The following CAMK2B variants were observed in gnomAD, a reference collection of about 807,000 sequenced individuals.
CAMK2B encodes the protein calcium/calmodulin-dependent protein kinase type II subunit beta.
CAMK2B carries 27 observed loss-of-function variants against 93.7 expected under a neutral mutation model. The ratio of observed to expected loss-of-function variants is 0.29; its 90% CI spans 0.21 to 0.40. CAMK2B has a LOEUF of 0.40. Ranked by LOEUF, CAMK2B falls within the 10% of genes least tolerant of loss-of-function variation. The pLI is 1.00. For synonymous variants in CAMK2B, 374 were observed against 358.8 expected, an observed-to-expected ratio of 1.04 and a Z score of -0.48; for missense variants, 568 against 895.8, an observed-to-expected ratio of 0.63 and a Z score of 4.67.
In CAMK2B at chr7:44,228,822, G is replaced by A. The variant is rs2096547743; in HGVS notation, c.1442C>T (p.Ala481Val). The A allele has an allele frequency of 1.3e-6, 2 of 1,536,838 alleles. No individual in the cohort carries two copies. The highest frequency in any genetic ancestry group is 2.8e-5 in the African/African-American group (2 of 72,126). ...SAGPPPCLSPALLGPLSSPSP... is the reference protein window; with the variant it reads ...SAGPPPCLSPVLLGPLSSPSP... Reference sequence around the variant, plus strand: ...CGGGGAGGACAGGGGGCCTAGGAGAGCCGGAGACAGGCAGGGCGGGGGCCC... The same window carrying A: ...CGGGGAGGACAGGGGGCCTAGGAGAACCGGAGACAGGCAGGGCGGGGGCCC... The change falls in exon 19 of 24, where the codon GCT becomes GTT. Residue 481 changes from alanine (A) to valine (V), a missense_variant. This residue lies in a region of CAMK2B where 308 missense variants were observed against 292.1 expected (regional missense o/e 1.05). Transcript: ENST00000395749.
chr7:44,285,767 T>A lies in CAMK2B; in HGVS notation c.66-1542A>T, dbSNP rs1784865935. 2.1e-5 allele frequency among the ~76,000 whole-genome samples: 3 copies of A among 145,034 alleles called. No individual in the cohort carries two copies. The South Asian group carries it at 6.9e-4, about 33-fold the overall frequency. On this transcript the variant is annotated intron_variant, in intron 1 of 23. Transcript: ENST00000395749. The stretch of plus-strand genomic sequence containing the variant: ...TCAACCAGTGAACAGGGACAGGGGC[T>A]GCCTCAGGAGATGTGGGGGGAGACC...
chr7:44,303,160 C>T (rs1023801629), intron 1 of CAMK2B, among the ~76,000 whole-genome samples: 1 of 152,078 alleles, frequency 6.6e-6, no homozygotes, highest in Non-Finnish European at 1.5e-5. Context: ...TACATTTCAT[C>T]CCCCAAAGTG....
At chr7:44,301,660 TC>T (rs1487076443) in intron 1 of CAMK2B, among the ~76,000 whole-genome samples, 1 of 151,670 alleles carries the variant, frequency 6.6e-6, no homozygotes, top group Non-Finnish European at 1.5e-5. Context: ...GCCTGTAATC[TC>T]AGCTACTTGG....
At chr7:44,244,768 C>G in intron 6 of CAMK2B, 1 of 334,318 alleles carries the variant, frequency 3.0e-6, no homozygotes, top group South Asian at 2.2e-5. Flanking sequence ...GAGCGCCCCT[C>G]AGCAGAAACC....
At position 44,242,210 on chromosome 7, in the gene CAMK2B, C is replaced by T. The variant is rs749280196; in HGVS notation, c.819+8G>A. Reference sequence around the variant, plus strand: ...CCCTCCCCACCATGGGCACCAAGGGCGACTCACGCAGACCCACGGGTGCTT... The same window carrying T: ...CCCTCCCCACCATGGGCACCAAGGGTGACTCACGCAGACCCACGGGTGCTT... On this transcript the variant is annotated splice_region_variant and intron_variant, in intron 10 of 23. Transcript: ENST00000395749. 29 of 1,609,562 alleles carry T rather than the reference C, an allele frequency of 1.8e-5. No homozygotes were observed. Among genetic ancestry groups the T allele is most frequent in the South Asian group, 1.7e-4 (15 of 90,590 alleles).
intron 11 of CAMK2B, among the ~76,000 whole-genome samples, chr7:44,241,426 C>T (rs1251538107): frequency 6.6e-6 from 1 of 152,224 alleles, no homozygotes; most frequent in Admixed American, 6.5e-5. Context: ...GGGTGAGGAG[C>T]CCACAGCGAG....
intron 18 of CAMK2B, 121 bp from the exon 19 acceptor site, chr7:44,229,045 C>T: frequency 1.0e-6 from 1 of 953,932 alleles, no homozygotes; most frequent in Non-Finnish European, 1.7e-6. Flanking sequence ...GGGATCAGGC[C>T]CTGAATCAGA....
At chr7:44,281,178 G>C (rs748467128) in intron 2 of CAMK2B, among the ~76,000 whole-genome samples, 8 of 152,380 alleles carry the variant, frequency 5.3e-5, no homozygotes, top group Non-Finnish European at 8.8e-5. Context: ...CAGGGTGGCC[G>C]TGGGACCTGA....
chr7:44,225,904 C>G lies in CAMK2B; in HGVS notation c.1597+612G>C. ...ATGTCATCCATCCCTGTAAGTGATA[C>G]TGCGGGTAGTCGGCAGACAGACCGG... On this transcript the variant is annotated intron_variant, in intron 20 of 23. Transcript: ENST00000395749. This position sits in a 1 kb window ranked among gnomAD's most constrained non-coding sequence, Gnocchi z 5.0. 1 of 1,286,498 alleles carries G rather than the reference C, an allele frequency of 7.8e-7. No individual in the cohort carries two copies. The highest frequency in any genetic ancestry group is 1.0e-6 in the Non-Finnish European group (1 of 986,612). 79.7% of individuals were successfully genotyped at this position (1,286,498 alleles called of 1,614,324 possible). A position where few individuals can be genotyped will look rare whatever the true frequency, so the allele number is the denominator to read the frequency against.
chr7:44,307,613 A>G (rs1298196499), intron 1 of CAMK2B, among the ~76,000 whole-genome samples: 1 of 151,944 alleles, frequency 6.6e-6, no homozygotes, highest in East Asian at 1.9e-4. Context: ...TCAGGGGCCA[A>G]CCTACTCCCT....
chr7:44,295,826 C>A (rs1788149608), intron 1 of CAMK2B, among the ~76,000 whole-genome samples: 1 of 152,176 alleles, frequency 6.6e-6, no homozygotes, highest in African/African-American at 2.4e-5. Flanking sequence ...GGAAAATACC[C>A]AACTCCAGCC....
chr7:44,243,854 CA>C (rs1341668080), intron 6 of CAMK2B, among the ~76,000 whole-genome samples: 1 of 152,196 alleles, frequency 6.6e-6, no homozygotes, highest in East Asian at 1.9e-4. Context: ...ACCAAAACCT[CA>C]AGCTCATCCT....
chr7:44,256,877 T>G (rs948694612), intron 4 of CAMK2B, among the ~76,000 whole-genome samples: 1 of 152,114 alleles, frequency 6.6e-6, no homozygotes, highest in Non-Finnish European at 1.5e-5. Context: ...GGAAGGGAGT[T>G]TGCTCCTCCA....
At position 44,325,553 on chromosome 7, in the gene CAMK2B, G is replaced by A; in HGVS notation, c.-132C>T. 2 of 334,596 alleles carry A rather than the reference G, an allele frequency of 6.0e-6. No homozygotes were observed. The highest frequency in any genetic ancestry group is 8.4e-6 in the Non-Finnish European group (2 of 237,438). 20.7% of individuals were successfully genotyped at this position (334,596 alleles called of 1,614,324 possible). A position where few individuals can be genotyped will look rare whatever the true frequency, so the allele number is the denominator to read the frequency against. On this transcript the variant is annotated 5_prime_UTR_variant, in exon 1 of 24. Coordinates refer to ENST00000395749, the MANE Select transcript of CAMK2B (RefSeq NM_001220.5). The stretch of plus-strand genomic sequence containing the variant: ...CCTCGGCTCGCGGCGCCAGGCGGGG[G>A]CCGGGCTGGGCTGCGCCGGGCGGCG...
Position 44,224,075 on chromosome 7 carries a change from G to A in CAMK2B, c.1597+2441C>T, listed in dbSNP as rs1368183473. ...TTTTAAACAAATTGTAATTAAAATG[G>A]GAGTTGATGGGAAGAGAAAGCGTGA... On this transcript the variant is annotated intron_variant, in intron 20 of 23. Transcript: ENST00000395749. This position sits in a 1 kb window ranked among gnomAD's most constrained non-coding sequence, Gnocchi z 4.4. Among the ~76,000 whole-genome samples, 8 of 152,236 alleles carry A rather than the reference G, an allele frequency of 5.3e-5. No individual in the cohort carries two copies. The highest frequency in any genetic ancestry group is 3.9e-4 in the Admixed American group (6 of 15,286).
At chr7:44,323,880 G>C (rs1366688119) in intron 1 of CAMK2B, 1 of 161,966 alleles carries the variant, frequency 6.2e-6, no homozygotes, top group Non-Finnish European at 1.4e-5. Flanking sequence ...GTGCATCTGA[G>C]GGGTGAAGAC....
rs964616533 is a variant in CAMK2B, at chr7:44,240,340, G to A, written c.946+367C>T. Among the ~76,000 whole-genome samples the A allele has an allele frequency of 3.3e-5, 5 of 152,116 alleles. No homozygotes were observed. In the East Asian group the frequency reaches 7.7e-4, roughly 24 times the overall value. On this transcript the variant is annotated intron_variant, in intron 12 of 23. Transcript: ENST00000395749. ...CCCGCATCCCTTCTGCCCACCTCCC[G>A]CACAAAACACAATGTTCAGAGCACT...
Position 44,242,270 on chromosome 7 carries a change from T to C in CAMK2B, c.767A>G (p.Asn256Ser). Reference sequence around the variant, plus strand: ...ATGGGCTGTGATGCGCTTGGCAGGGTTGATGGTCAGCATCTGGTTGATGAG... The same window carrying C: ...ATGGGCTGTGATGCGCTTGGCAGGGCTGATGGTCAGCATCTGGTTGATGAG... ...KNLINQMLTI[N>S]PAKRITAHEA... The change falls in exon 10 of 24, where the codon AAC becomes AGC. Residue 256 changes from asparagine (N) to serine (S), a missense_variant. Asn to Ser is a conservative substitution (Grantham distance 46). Coordinates refer to ENST00000395749, the MANE Select transcript of CAMK2B (RefSeq NM_001220.5). 2 of 1,613,990 alleles carry C rather than the reference T, an allele frequency of 1.2e-6. No homozygotes were observed. Among genetic ancestry groups the C allele is most frequent in the Non-Finnish European group, 1.7e-6 (2 of 1,179,930 alleles).
chr7:44,235,640 C>T (rs1272039613), intron 13 of CAMK2B, among the ~76,000 whole-genome samples: 1 of 152,186 alleles, frequency 6.6e-6, no homozygotes, highest in Non-Finnish European at 1.5e-5. Context: ...ACTGCGGGCC[C>T]AGGACTCACA....
Sources: allele counts gnomAD v4.1 joint callset (sites outside exome capture counted in the v4.1 genomes callset), GRCh38; gene constraint gnomAD v4.1.1; regional missense constraint gnomAD v4.1.1; non-coding constraint Gnocchi (gnomAD v3.1); transcripts MANE v1.5; gene names NCBI Gene and HGNC (gene_info 2026-07-23, HGNC 2026-07-21).